Variants in FAM151B observed in about 807,000 individuals in gnomAD.
FAM151B encodes the protein family with sequence similarity 151 member B.
In FAM151B, 24 loss-of-function variants were observed where a neutral mutation model predicts 31.2. The ratio of observed to expected loss-of-function variants is 0.77; its 90% CI spans 0.56 to 1.08. The LOEUF is 1.08. Among genes scored for constraint, FAM151B ranks in the 50% least tolerant of loss-of-function variants. The pLI is 0.00. For synonymous variants in FAM151B, 105 were observed against 111.4 expected, an observed-to-expected ratio of 0.94 and a Z score of 0.36; for missense variants, 293 against 328.6, an observed-to-expected ratio of 0.89 and a Z score of 0.84.
intron 5 of FAM151B, among the ~76,000 whole-genome samples, chr5:80,530,505 A>G (rs2112662123): frequency 6.6e-6 from 1 of 152,330 alleles, no homozygotes; most frequent in East Asian, 1.9e-4. Flanking sequence ...TCAGCCCAAA[A>G]TCTCCTTAAG....
chr5:80,503,103 C>T (rs1743810310), intron 2 of FAM151B, among the ~76,000 whole-genome samples: 1 of 151,862 alleles, frequency 6.6e-6, no homozygotes, highest in Admixed American at 6.6e-5. Flanking sequence ...AAAGGGTTCA[C>T]TTTAAAAGGG....
intron 2 of FAM151B, among the ~76,000 whole-genome samples, chr5:80,502,363 T>G (rs938962213): frequency 6.6e-6 from 1 of 152,214 alleles, no homozygotes; most frequent in African/African-American, 2.4e-5. Context: ...TGAGTAAAAC[T>G]TTTAAGATCA....
chr5:80,536,853 A>G (rs1745536943), intron 5 of FAM151B, among the ~76,000 whole-genome samples: 1 of 152,158 alleles, frequency 6.6e-6, no homozygotes, highest in African/African-American at 2.4e-5. Flanking sequence ...AATTGGAGCA[A>G]TTGAACCCAT....
At chr5:80,518,951 C>T (rs1323470941) in intron 3 of FAM151B, 1 of 152,112 alleles carries the variant, frequency 6.6e-6, no homozygotes, top group Non-Finnish European at 1.5e-5. Context: ...TATAAATGAA[C>T]ATAGGCAAGT....
intron 1 of FAM151B, chr5:80,498,904 T>C (rs115170118): frequency 0.026 from 8,363 of 322,020 alleles, 149 homozygotes; most frequent in South Asian, 0.044. Flanking sequence ...TTTTGGCCTT[T>C]ACCTTTTCTA....
At chr5:80,498,766 C>A in intron 1 of FAM151B, 1 of 548,046 alleles carries the variant, frequency 1.8e-6, no homozygotes, top group Non-Finnish European at 3.5e-6. Flanking sequence ...TTCTTAGCAC[C>A]ACCACAAAGT....
chr5:80,491,654 T>C (rs1229590504), intron 1 of FAM151B, among the ~76,000 whole-genome samples: 7 of 152,200 alleles, frequency 4.6e-5, no homozygotes, highest in African/African-American at 1.7e-4. Flanking sequence ...CCCTAGCCTC[T>C]GGTAACCACT....
At chr5:80,525,002 G>A (rs901547990) in intron 5 of FAM151B, among the ~76,000 whole-genome samples, 3 of 152,108 alleles carry the variant, frequency 2.0e-5, no homozygotes, top group African/African-American at 7.2e-5. Flanking sequence ...ATCATAGAGA[G>A]CATTAGAAGC....
Position 80,501,814 on chromosome 5 carries a change from G to A in FAM151B, c.48G>A (p.Leu16=), listed in dbSNP as rs560871185. The A allele has an allele frequency of 6.2e-7, 1 of 1,600,520 alleles. No individual in the cohort carries two copies. Among genetic ancestry groups the A allele is most frequent in the East Asian group, 2.2e-5 (1 of 44,490 alleles). The part of the protein sequence containing the change: ...GGPGSWSENI[L]EYFLRNSQIT... Reference sequence around the variant, plus strand: ...TAGGATCTTGGAGTGAAAATATACTGGAATATTTTCTGAGAAATAGCCAGA... The same window carrying A: ...TAGGATCTTGGAGTGAAAATATACTAGAATATTTTCTGAGAAATAGCCAGA... Residue 16 remains leucine (L), a synonymous_variant, in exon 2 of 6, where the codon CTG becomes CTA. Transcript: ENST00000282226.
At chr5:80,536,576 C>G (rs905822642) in intron 5 of FAM151B, among the ~76,000 whole-genome samples, 1 of 152,112 alleles carries the variant, frequency 6.6e-6, no homozygotes, top group African/African-American at 2.4e-5. Context: ...ATCAGTGTAT[C>G]GGAGAGATAG....
At chr5:80,508,328 T>C (rs1744056690) in intron 2 of FAM151B, among the ~76,000 whole-genome samples, 1 of 152,220 alleles carries the variant, frequency 6.6e-6, no homozygotes, top group Non-Finnish European at 1.5e-5. Context: ...ACTATATGTT[T>C]AACTTTTTAA....
intron 3 of FAM151B, chr5:80,518,703 C>A (rs1561371422): frequency 6.6e-6 from 1 of 152,104 alleles, no homozygotes; most frequent in Admixed American, 6.6e-5. Flanking sequence ...TACATAGTAT[C>A]CTTGCTCACT....
chr5:80,531,684 G>A (rs571709439), intron 5 of FAM151B, among the ~76,000 whole-genome samples: 98 of 152,274 alleles, frequency 6.4e-4, no homozygotes, highest in Middle Eastern at 3.4e-3. Flanking sequence ...AAACCACAAT[G>A]AGAAACCGTC....
chr5:80,492,375 T>C (rs1467290358), intron 1 of FAM151B, among the ~76,000 whole-genome samples: 1 of 152,188 alleles, frequency 6.6e-6, no homozygotes, highest in Non-Finnish European at 1.5e-5. Flanking sequence ...AATAATTGTT[T>C]TGGGGCACCA....
At chr5:80,525,646 T>C (rs1744923600) in intron 5 of FAM151B, among the ~76,000 whole-genome samples, 1 of 152,070 alleles carries the variant, frequency 6.6e-6, no homozygotes, top group African/African-American at 2.4e-5. Context: ...CTGCTAACCC[T>C]GGGAATGTCA....
chr5:80,537,145 C>A (rs897670573), intron 5 of FAM151B, among the ~76,000 whole-genome samples: 4 of 152,096 alleles, frequency 2.6e-5, no homozygotes, highest in African/African-American at 9.7e-5. Flanking sequence ...TCTCATGTAC[C>A]CCATAAATAT....
At chr5:80,499,285 A>G (rs1290789002) in intron 1 of FAM151B, among the ~76,000 whole-genome samples, 1 of 152,184 alleles carries the variant, frequency 6.6e-6, no homozygotes, top group Non-Finnish European at 1.5e-5. Flanking sequence ...GTTAACTCAC[A>G]AGTTTTAATG....
At chr5:80,516,659 C>T (rs891919594) in intron 3 of FAM151B, among the ~76,000 whole-genome samples, 1 of 152,164 alleles carries the variant, frequency 6.6e-6, no homozygotes, top group African/African-American at 2.4e-5. Context: ...GGATGATCAT[C>T]TTGGTGAAGC....
In FAM151B at chr5:80,492,297, A is replaced by G. The variant is rs187932158; in HGVS notation, c.25+4149A>G. Among the ~76,000 whole-genome samples the G allele has an allele frequency of 1.5e-3, 226 of 151,928 alleles. 1 individual carries two copies. The highest frequency in any genetic ancestry group is 5.3e-3 in the African/African-American group (219 of 41,416). ...GTCACATTTTGGGAATTCTTGCAAT[A>G]TTTCAAATTTTAAAATTATTATATT... is the stretch of plus-strand genomic sequence containing the variant. On this transcript the variant is annotated intron_variant, in intron 1 of 5. Coordinates refer to ENST00000282226, the MANE Select transcript of FAM151B (RefSeq NM_205548.3).
Sources: gnomAD v4.1 joint callset for allele counts (sites outside exome capture counted in the v4.1 genomes callset) on GRCh38, gnomAD v4.1.1 for gene constraint, MANE v1.5 for transcripts, NCBI Gene and HGNC (gene_info 2026-07-23, HGNC 2026-07-21) for gene names.